The following PLB1 variants were observed in gnomAD, a reference collection of about 807,000 sequenced individuals.
PLB1 encodes the protein phospholipase B1, membrane-associated.
Under a neutral mutation model 227.4 loss-of-function variants are expected in PLB1, and 242 were observed. The observed-to-expected ratio is 1.06, with a 90% CI of 0.96 to 1.18. The LOEUF (loss-of-function observed/expected upper bound fraction) is 1.18, where lower values mean the gene tolerates loss of function less well. Ranked by LOEUF, PLB1 falls within the 50% of genes most tolerant of loss-of-function variation. PLB1 has a pLI of 0.00. For missense variants in PLB1, 1,858 were observed against 1,816.3 expected, an observed-to-expected ratio of 1.02 and a Z score of -0.42; for synonymous variants, 757 against 682.2, an observed-to-expected ratio of 1.11 and a Z score of -1.71.
intron 9 of PLB1, among the ~76,000 whole-genome samples, chr2:28,532,516 C>T (rs1671156696): frequency 6.6e-6 from 1 of 152,132 alleles, no homozygotes; most frequent in Non-Finnish European, 1.5e-5. Flanking sequence ...TTAGATAATT[C>T]ATAATGTTGT....
intron 53 of PLB1, among the ~76,000 whole-genome samples, chr2:28,630,187 C>A (rs1688402754): frequency 6.6e-6 from 1 of 152,168 alleles, no homozygotes; most frequent in African/African-American, 2.4e-5. Flanking sequence ...CGATTCCAAA[C>A]CCAGGGACAG....
intron 52 of PLB1, 99 bp from the exon 53 acceptor site, chr2:28,628,995 G>T: frequency 2.0e-6 from 2 of 991,266 alleles, no homozygotes; most frequent in South Asian, 1.6e-5. Flanking sequence ...TTTCTTCATT[G>T]GTAAAATTGA....
chr2:28,591,042 C>A, intron 29 of PLB1, 91 bp from the exon 30 acceptor site: 1 of 1,517,574 alleles, frequency 6.6e-7, no homozygotes. Context: ...CAGGCCGCAG[C>A]TGTTTGTGCC....
At chr2:28,601,404 A>G in intron 37 of PLB1, 72 bp downstream of exon 37, 1 of 1,321,450 alleles carries the variant, frequency 7.6e-7, no homozygotes, top group Non-Finnish European at 1.1e-6. Flanking sequence ...ATCTTCCCTG[A>G]GAACAGTTCC....
chr2:28,575,568 A>G (rs940663355), intron 21 of PLB1, among the ~76,000 whole-genome samples: 50 of 152,160 alleles, frequency 3.3e-4, no homozygotes, highest in African/African-American at 1.1e-3. Context: ...ACAGACCCCA[A>G]TAGACTTTGT....
Position 28,519,704 on chromosome 2 carries a change from G to C in PLB1, c.185-1G>C. Reference sequence around the variant, plus strand: ...TCCTATATGGGTTCTTGTCTCCACAGTTCACTCTCTGAAGCCTTCTGATAT... The same window carrying C: ...TCCTATATGGGTTCTTGTCTCCACACTTCACTCTCTGAAGCCTTCTGATAT... On this transcript the variant is annotated splice_acceptor_variant, in intron 3 of 57. Transcript: ENST00000327757. LOFTEE classifies it high-confidence loss of function. The C allele has an allele frequency of 6.2e-7, 1 of 1,607,974 alleles. No individual in the cohort carries two copies. The highest frequency in any genetic ancestry group is 8.5e-7 in the Non-Finnish European group (1 of 1,174,718).
intron 17 of PLB1, among the ~76,000 whole-genome samples, chr2:28,556,153 A>T (rs1199432151): frequency 1.3e-5 from 2 of 152,180 alleles, no homozygotes; most frequent in Non-Finnish European, 2.9e-5. Context: ...ATAAGCTACC[A>T]TACTGGTCCA....
intron 17 of PLB1, among the ~76,000 whole-genome samples, chr2:28,562,194 CA>C (rs1236380199): frequency 6.6e-6 from 1 of 152,084 alleles, no homozygotes; most frequent in Non-Finnish European, 1.5e-5. Flanking sequence ...GACTAAATGC[CA>C]CTGAACTGTT....
chr2:28,579,668 T>A lies in PLB1; in HGVS notation c.1527T>A (p.Phe509Leu), dbSNP rs1298288306. The change falls in exon 23 of 58, where the codon TTT becomes TTA. Residue 509 changes from phenylalanine to leucine, a missense_variant. Phe to Leu is a conservative substitution (Grantham distance 22). Transcript: ENST00000327757. ...FQEDWKIITLFIGGNDLCDFC... is the reference protein window; with the variant it reads ...FQEDWKIITLLIGGNDLCDFC... ...AAGACTGGAAGATAATAACCCTGTTTATAGGCGGCAATGACCTCTGTGATT... is the reference window on the plus strand; with the variant it reads ...AAGACTGGAAGATAATAACCCTGTTAATAGGCGGCAATGACCTCTGTGATT... The A allele has an allele frequency of 2.5e-6, 4 of 1,613,606 alleles. No individual in the cohort carries two copies. Among genetic ancestry groups the A allele is most frequent in the South Asian group, 1.1e-5 (1 of 91,086 alleles).
chr2:28,584,799 T>G (rs995772573), intron 25 of PLB1, among the ~76,000 whole-genome samples: 2 of 152,216 alleles, frequency 1.3e-5, no homozygotes, highest in African/African-American at 2.4e-5. Flanking sequence ...ATGTGCCAGA[T>G]AGCTGGCCGG....
chr2:28,592,562 A>G, intron 31 of PLB1, 99 bp from the exon 32 acceptor site: 1 of 1,202,198 alleles, frequency 8.3e-7, no homozygotes, highest in Non-Finnish European at 1.2e-6. Flanking sequence ...CCCAGTGCTC[A>G]TGCAGATTGT....
intron 49 of PLB1, among the ~76,000 whole-genome samples, chr2:28,621,746 A>G (rs1687081852): frequency 6.6e-6 from 1 of 152,162 alleles, no homozygotes; most frequent in Non-Finnish European, 1.5e-5. Flanking sequence ...TTGAGTCTCT[A>G]AGCCACAGGA....
rs200382368 is a variant in PLB1, at chr2:28,632,933, G to A, written c.4003-11G>A. ...TTCCCAGGATGATAACCTCCTTGCCGTTGGTTGCAGAGAGGGGACACTGAC... is the reference window on the plus strand; with the variant it reads ...TTCCCAGGATGATAACCTCCTTGCCATTGGTTGCAGAGAGGGGACACTGAC... On this transcript the variant is annotated splice_polypyrimidine_tract_variant and intron_variant, in intron 55 of 57. Coordinates refer to ENST00000327757, the MANE Select transcript of PLB1 (RefSeq NM_153021.5). 374 of 1,607,984 alleles carry A rather than the reference G, an allele frequency of 2.3e-4. 5 individuals carry two copies. In the South Asian group the frequency reaches 3.7e-3, roughly 16 times the overall value.
chr2:28,605,820 A>T, intron 41 of PLB1, 33 bp from the exon 42 acceptor site: 1 of 1,549,612 alleles, frequency 6.5e-7, no homozygotes, highest in South Asian at 1.1e-5. Context: ...CTGAACCAAT[A>T]GGATCTTGAG....
chr2:28,497,025 GA>G (rs1293294469), intron 1 of PLB1, among the ~76,000 whole-genome samples: 4 of 152,186 alleles, frequency 2.6e-5, no homozygotes, highest in Admixed American at 2.6e-4. Context: ...AGCCGTGGGG[GA>G]GAATGACGAT....
intron 29 of PLB1, 37 bp from the exon 30 acceptor site, chr2:28,591,096 G>T: frequency 1.9e-6 from 3 of 1,613,782 alleles, no homozygotes; most frequent in South Asian, 1.1e-5. Context: ...GAAGTGAGCA[G>T]AATTTGCTGC....
In PLB1 at chr2:28,577,946, C is replaced by G. The variant is rs111322915; in HGVS notation, c.1434-161C>G. On this transcript the variant is annotated intron_variant, in intron 21 of 57. Coordinates refer to ENST00000327757, the MANE Select transcript of PLB1 (RefSeq NM_153021.5). ...CCACCCCACACCCCCGCAGTGGAGC[C>G]TGAATGGGGAAGAAGCTCTGCGACA... is the stretch of plus-strand genomic sequence containing the variant. Among the ~76,000 whole-genome samples the G allele has an allele frequency of 2.2e-3, 341 of 152,370 alleles. 2 individuals carry two copies. The highest frequency in any genetic ancestry group is 7.5e-3 in the African/African-American group (312 of 41,592).
rs995504105 is a variant in PLB1 at position 28,517,960 on chromosome 2, C to T, written c.118-506C>T. Among the ~76,000 whole-genome samples the T allele has an allele frequency of 6.0e-5, 9 of 150,466 alleles. No individual in the cohort carries two copies. The South Asian group carries it at 6.3e-4, about 11-fold the overall frequency. On this transcript the variant is annotated intron_variant, in intron 2 of 57. Coordinates refer to ENST00000327757, the MANE Select transcript of PLB1 (RefSeq NM_153021.5). ...CATGATCTCAGCTCATGGCAGCCTT[C>T]GCCTCCCGGTTCAAGTGATTCTCGT...
chr2:28,574,164 C>G (rs1176102452), intron 21 of PLB1, among the ~76,000 whole-genome samples: 2 of 152,086 alleles, frequency 1.3e-5, no homozygotes, highest in African/African-American at 4.8e-5. Context: ...CTGGATGATC[C>G]TTTCTTTCTT....
Sources: gnomAD v4.1 joint callset for allele counts (sites outside exome capture counted in the v4.1 genomes callset) on GRCh38, gnomAD v4.1.1 for gene constraint, MANE v1.5 for transcripts, NCBI Gene and HGNC (gene_info 2026-07-23, HGNC 2026-07-21) for gene names.